LRRC37A2: variants seen among roughly 807,000 people sequenced by gnomAD.
LRRC37A2 encodes leucine-rich repeat-containing protein 37A2.
Under a neutral mutation model 68.8 loss-of-function variants are expected in LRRC37A2, and 9 were observed. That is an observed-to-expected ratio of 0.13 (90% confidence interval 0.08 to 0.23). The LOEUF (loss-of-function observed/expected upper bound fraction) is 0.23, where lower values mean the gene tolerates loss of function less well. LRRC37A2 is among the 10% of genes least tolerant of loss of function. LRRC37A2 has a pLI of 1.00. For synonymous variants in LRRC37A2, 63 were observed against 367.6 expected (o/e 0.17, Z 9.48); for missense variants, 168 against 950.4 (o/e 0.18, Z 10.82).
At chr17:47,044,715 G>T in the LRRC37A2 span, among the ~76,000 whole-genome samples, 3 of 151,732 alleles carry the variant, frequency 2.0e-5, no homozygotes, top group African/African-American at 7.3e-5. Flanking sequence ...AAAAACTTGG[G>T]GGCAGAAAAA....
At chr17:46,965,730 C>T in the LRRC37A2 span, among the ~76,000 whole-genome samples, 1 of 152,122 alleles carries the variant, frequency 6.6e-6, no homozygotes, top group Non-Finnish European at 1.5e-5. Flanking sequence ...TCAATTGATC[C>T]TCCCACCTTA....
chr17:46,790,229 G>C, the LRRC37A2 span, among the ~76,000 whole-genome samples: 1 of 152,216 alleles, frequency 6.6e-6, no homozygotes, highest in South Asian at 2.1e-4. Flanking sequence ...GCCTGGGTTT[G>C]CAAACATGCA....
chr17:46,935,131 A>G, the LRRC37A2 span: 1 of 1,614,086 alleles, frequency 6.2e-7, no homozygotes, highest in South Asian at 1.1e-5. Flanking sequence ...TGGGCACAAT[A>G]TTTTAGATGG....
At chr17:46,881,227 C>T in the LRRC37A2 span, among the ~76,000 whole-genome samples, 1 of 152,224 alleles carries the variant, frequency 6.6e-6, no homozygotes, top group South Asian at 2.1e-4. Flanking sequence ...CTGGGCTCCC[C>T]AGGGCGGGAG....
the LRRC37A2 span, among the ~76,000 whole-genome samples, chr17:46,708,615 C>T: frequency 2.7e-5 from 4 of 149,294 alleles, no homozygotes; most frequent in East Asian, 7.8e-4. Flanking sequence ...CCTCAGCCTC[C>T]CCAGTAGCTG....
At chr17:46,755,388 T>C in the LRRC37A2 span, 24 of 1,603,016 alleles carry the variant, frequency 1.5e-5, no homozygotes, top group Non-Finnish European at 2.1e-5. Flanking sequence ...ATACAACATT[T>C]AATGACCATC....
At chr17:46,743,185 A>G in the LRRC37A2 span, among the ~76,000 whole-genome samples, 1 of 152,016 alleles carries the variant, frequency 6.6e-6, no homozygotes, top group Non-Finnish European at 1.5e-5. Flanking sequence ...TCCCTAACCC[A>G]GAGCCAACCT....
At chr17:46,499,378 A>G in the LRRC37A2 span, among the ~76,000 whole-genome samples, 5 of 150,072 alleles carry the variant, frequency 3.3e-5, no homozygotes, top group Non-Finnish European at 7.4e-5. Context: ...AGAAACATAC[A>G]TTTTATAGAA....
At chr17:46,973,890 C>T in the LRRC37A2 span, among the ~76,000 whole-genome samples, 1 of 152,186 alleles carries the variant, frequency 6.6e-6, no homozygotes, top group African/African-American at 2.4e-5. Context: ...GTACCCGCCA[C>T]CTCGCATGCT....
the LRRC37A2 span, among the ~76,000 whole-genome samples, chr17:46,746,571 C>T: frequency 2.0e-5 from 3 of 151,968 alleles, no homozygotes; most frequent in African/African-American, 4.8e-5. Flanking sequence ...TTACTGAAGA[C>T]TTATCTATGG....
At chr17:46,666,066 G>C in the LRRC37A2 span, among the ~76,000 whole-genome samples, 1 of 150,616 alleles carries the variant, frequency 6.6e-6, no homozygotes, top group Non-Finnish European at 1.5e-5. Flanking sequence ...CCCCAAGAAA[G>C]GGCAGTGACC....
At chr17:46,549,432 A>G (rs750125271) in exon 10 of LRRC37A2, 2 of 1,225,094 alleles carry the variant, frequency 1.6e-6, no homozygotes, top group South Asian at 2.8e-5. Flanking sequence ...CTGGGACTGC[A>G]TTCAACTTAG....
chr17:46,808,176 T>C, the LRRC37A2 span, among the ~76,000 whole-genome samples: 1 of 152,206 alleles, frequency 6.6e-6, no homozygotes, highest in Non-Finnish European at 1.5e-5. Context: ...GAGGCAGTGA[T>C]TTGATCAAGG....
At chr17:46,751,699 G>T in the LRRC37A2 span, 3 of 740,596 alleles carry the variant, frequency 4.1e-6, no homozygotes, top group South Asian at 2.9e-5. Context: ...CCTTTGCCAA[G>T]GTTTTAATTA....
At chr17:46,973,910 G>A in the LRRC37A2 span, among the ~76,000 whole-genome samples, 2 of 152,250 alleles carry the variant, frequency 1.3e-5, no homozygotes, top group African/African-American at 2.4e-5. Flanking sequence ...TCCATTCTTT[G>A]CCTCTGAAGC....
chr17:46,899,929 A>G, the LRRC37A2 span, among the ~76,000 whole-genome samples: 1 of 151,722 alleles, frequency 6.6e-6, no homozygotes, highest in Non-Finnish European at 1.5e-5. Flanking sequence ...GTCAAACTAT[A>G]GGGGTACAAC....
the LRRC37A2 span, chr17:47,007,845 G>A: frequency 1.3e-5 from 2 of 152,112 alleles, no homozygotes; most frequent in African/African-American, 2.4e-5. Flanking sequence ...GTTACCTTGG[G>A]GAAAACGCCG....
At chr17:46,740,363 A>C in the LRRC37A2 span, among the ~76,000 whole-genome samples, 6 of 152,250 alleles carry the variant, frequency 3.9e-5, no homozygotes, top group Non-Finnish European at 8.8e-5. Flanking sequence ...GCAAATTGGC[A>C]GAAAACTGGA....
At chr17:47,014,850 G>A in the LRRC37A2 span, among the ~76,000 whole-genome samples, 4 of 151,810 alleles carry the variant, frequency 2.6e-5, no homozygotes, top group Non-Finnish European at 5.9e-5. Context: ...TATCTCCCAC[G>A]TATCTTGGGT....
Sources: allele counts gnomAD v4.1 joint callset (sites outside exome capture counted in the v4.1 genomes callset), GRCh38; gene constraint gnomAD v4.1.1; transcripts MANE v1.5; gene names NCBI Gene and HGNC (gene_info 2026-07-23, HGNC 2026-07-21).